The following STAT1 variants were observed in gnomAD, a reference collection of about 807,000 sequenced individuals.
STAT1 encodes the protein signal transducer and activator of transcription 1-alpha/beta.
Under a neutral mutation model 111.7 loss-of-function variants are expected in STAT1, and 24 were observed. That is an observed-to-expected ratio of 0.21 (90% confidence interval 0.16 to 0.30). The LOEUF (loss-of-function observed/expected upper bound fraction) is 0.30, where lower values mean the gene tolerates loss of function less well. Ranked by LOEUF, STAT1 falls within the 10% of genes least tolerant of loss-of-function variation. The pLI, the probability that STAT1 is intolerant of heterozygous loss-of-function variation, is 1.00. For missense variants in STAT1, 351 were observed against 911.9 expected (o/e 0.38, Z 7.92); for synonymous variants, 332 against 326.5 (o/e 1.02, Z -0.18).
chr2:190,989,677 G>A lies in STAT1; in HGVS notation c.1038-3C>T, dbSNP rs374148252. On this transcript the variant is annotated splice_region_variant and splice_polypyrimidine_tract_variant and intron_variant, in intron 11 of 24. Transcript: ENST00000361099. The surrounding 1 kb of genome is among the most constrained non-coding windows in gnomAD (Gnocchi z 5.0). ...GCTCTTGCAATTTCACCAACAGTCT[G>A]GAAAGAAAAATAAAAGCCATTACTT... The A allele has an allele frequency of 2.5e-5, 40 of 1,593,852 alleles. No homozygotes were observed. Among genetic ancestry groups the A allele is most frequent in the East Asian group, 2.0e-4 (9 of 44,600 alleles).
Position 190,975,457 on chromosome 2 carries a change from A to C in STAT1, c.2135+355T>G, listed in dbSNP as rs529186011. 8.5e-6 allele frequency: 8 copies of C among 936,852 alleles called. No individual in the cohort carries two copies. The South Asian group carries it at 1.1e-4, about 13-fold the overall frequency. The allele number at this position is 936,852 out of a possible 1,614,324, so 58.0% of individuals were successfully genotyped here. On this transcript the variant is annotated intron_variant, in intron 23 of 24. Coordinates refer to ENST00000361099, the MANE Select transcript of STAT1 (RefSeq NM_007315.4). This position sits in a 1 kb window ranked among gnomAD's most constrained non-coding sequence, Gnocchi z 5.9. ...TACCTTTTATAAAATGAAACAACAAAATCAAAGCAAGTGGAGACAGTGTAT... is the reference window on the plus strand; with the variant it reads ...TACCTTTTATAAAATGAAACAACAACATCAAAGCAAGTGGAGACAGTGTAT...
rs1351609660 is a variant in STAT1 at position 190,990,057 on chromosome 2, G to A, written c.1038-383C>T. ...CAAACATTACTTTCTATTAAAACTT[G>A]TATCTAATCTTTGTCCTGTTGGGAG... On this transcript the variant is annotated intron_variant, in intron 11 of 24. Transcript: ENST00000361099. The surrounding 1 kb of genome is among the most constrained non-coding windows in gnomAD (Gnocchi z 5.1). Among the ~76,000 whole-genome samples, 1 of 152,102 alleles carries A rather than the reference G, an allele frequency of 6.6e-6. No homozygotes were observed. The highest frequency in any genetic ancestry group is 2.4e-5 in the African/African-American group (1 of 41,376).
At chr2:191,005,721 A>G (rs1372094218) in intron 5 of STAT1, among the ~76,000 whole-genome samples, 1 of 152,234 alleles carries the variant, frequency 6.6e-6, no homozygotes, top group Non-Finnish European at 1.5e-5. Flanking sequence ...TATTAATAAA[A>G]TAAAGTTACT....
rs1693216192 is a variant in STAT1 at position 190,990,357 on chromosome 2, A to G, written c.1038-683T>C. ...CTACCAGCCAGGGAGGGTTAACCACAGACTTAAATCAGCAACACCCCAGAA... is the reference window on the plus strand; with the variant it reads ...CTACCAGCCAGGGAGGGTTAACCACGGACTTAAATCAGCAACACCCCAGAA... On this transcript the variant is annotated intron_variant, in intron 11 of 24. Transcript: ENST00000361099. The surrounding 1 kb of genome is among the most constrained non-coding windows in gnomAD (Gnocchi z 5.1). 6.6e-6 allele frequency among the ~76,000 whole-genome samples: 1 copy of G among 152,190 alleles called. No individual in the cohort carries two copies. The highest frequency in any genetic ancestry group is 2.1e-4 in the South Asian group (1 of 4,830).
chr2:190,988,310 T>C lies in STAT1; in HGVS notation c.1098-1242A>G, dbSNP rs45571332. On this transcript the variant is annotated intron_variant, in intron 12 of 24. Transcript: ENST00000361099. ...AGCACCTGGCTCCAACCACACTAGC[T>C]CAGACCAGGACAACCTACAACTCAC... 3.7e-3 allele frequency among the ~76,000 whole-genome samples: 559 copies of C among 152,324 alleles called. 6 individuals are homozygous for C. The highest frequency in any genetic ancestry group is 0.013 in the African/African-American group (532 of 41,566).
At chr2:191,011,175 C>A (rs13029532) in intron 2 of STAT1, among the ~76,000 whole-genome samples, 137,146 of 152,274 alleles carry the variant, frequency 0.9, 61,813 homozygotes, top group Non-Finnish European at 0.92. Context: ...GCTAGTTATC[C>A]TCATATATAC....
rs1158825756 is a variant in STAT1 at position 191,004,273 on chromosome 2, G to A, written c.373-3110C>T. Among the ~76,000 whole-genome samples, 1 of 152,150 alleles carries A rather than the reference G, an allele frequency of 6.6e-6. No homozygotes were observed. The highest frequency in any genetic ancestry group is 1.5e-5 in the Non-Finnish European group (1 of 68,022). The stretch of plus-strand genomic sequence containing the variant: ...AAGAAACCAGGAGTACTGAAACCAC[G>A]GGAATTTCAAACACTGAAGTTGGAA... On this transcript the variant is annotated intron_variant, in intron 5 of 24. Coordinates refer to ENST00000361099, the MANE Select transcript of STAT1 (RefSeq NM_007315.4). The surrounding 1 kb of genome is among the most constrained non-coding windows in gnomAD (Gnocchi z 5.0).
Position 190,986,901 on chromosome 2 carries a change from T to C in STAT1, c.1174A>G (p.Met392Val), listed in dbSNP as rs1692874966. ...AGACTGCCATTGGTGGACTCCTCCA[T>C]GTTCATCACTTTTGTGTGCGTGCCC... ...ILGTHTKVMN[M>V]EESTNGSLAA... The change falls in exon 14 of 25, where the codon ATG (methionine) becomes GTG (valine). Residue 392 changes from methionine (M) to valine (V), a missense_variant. Around this residue, in one of 7 missense-constraint regions of STAT1, gnomAD observed 23 missense variants for 123.1 expected, o/e 0.19. Transcript: ENST00000361099. This position sits in a 1 kb window ranked among gnomAD's most constrained non-coding sequence, Gnocchi z 5.0. 6.2e-7 allele frequency: 1 copy of C among 1,614,264 alleles called. No individual in the cohort carries two copies. The highest frequency in any genetic ancestry group is 8.5e-7 in the Non-Finnish European group (1 of 1,180,050).
intron 10 of STAT1, among the ~76,000 whole-genome samples, chr2:190,991,778 G>A (rs1429807947): frequency 2.0e-5 from 3 of 151,800 alleles, no homozygotes; most frequent in South Asian, 2.1e-4. Context: ...GATCACTTGA[G>A]CCCAGGAGGT....
chr2:191,003,018 A>T lies in STAT1; in HGVS notation c.373-1855T>A, dbSNP rs984975307. On this transcript the variant is annotated intron_variant, in intron 5 of 24. Transcript: ENST00000361099. The surrounding 1 kb of genome is among the most constrained non-coding windows in gnomAD (Gnocchi z 4.0). ...TGGTCATGTCCTTTCTTAATGTAGT[A>T]TTTAATTCTGATCCCTAATATCTTA... Among the ~76,000 whole-genome samples, 3 of 152,166 alleles carry T rather than the reference A, an allele frequency of 2.0e-5. No homozygotes were observed. Among genetic ancestry groups the T allele is most frequent in the Non-Finnish European group, 4.4e-5 (3 of 68,008 alleles).
intron 24 of STAT1, among the ~76,000 whole-genome samples, chr2:190,972,816 GGTGTGTGTGTGT>G (rs34975356): frequency 2.8e-4 from 38 of 136,420 alleles, no homozygotes; most frequent in East Asian, 8.5e-4. Flanking sequence ...GTGTATAGAG[GGTGTGTGTGTGT>G]GTGTGTGTGT....
Position 191,006,018 on chromosome 2 carries a change from T to C in STAT1, c.372+1545A>G, listed in dbSNP as rs558000034. The stretch of plus-strand genomic sequence containing the variant: ...CCAAAGCCAGGGGATGAGGTTCATG[T>C]GGGAGAGCAGGGGTCACCTACTCTG... On this transcript the variant is annotated intron_variant, in intron 5 of 24. Coordinates refer to ENST00000361099, the MANE Select transcript of STAT1 (RefSeq NM_007315.4). This position sits in a 1 kb window ranked among gnomAD's most constrained non-coding sequence, Gnocchi z 4.6. 4.6e-5 allele frequency among the ~76,000 whole-genome samples: 7 copies of C among 152,220 alleles called. No individual in the cohort carries two copies. Among genetic ancestry groups the C allele is most frequent in the Non-Finnish European group, 1.0e-4 (7 of 68,038 alleles).
In STAT1 at chr2:190,989,515, A is replaced by G. The variant is rs1349768605; in HGVS notation, c.1097+100T>C. The G allele has an allele frequency of 3.5e-6, 3 of 847,628 alleles. No homozygotes were observed. Among genetic ancestry groups the G allele is most frequent in the Non-Finnish European group, 5.6e-6 (3 of 532,768 alleles). 52.5% of individuals were successfully genotyped at this position (847,628 alleles called of 1,614,324 possible). On this transcript the variant is annotated intron_variant, in intron 12 of 24. Coordinates refer to ENST00000361099, the MANE Select transcript of STAT1 (RefSeq NM_007315.4). This position sits in a 1 kb window ranked among gnomAD's most constrained non-coding sequence, Gnocchi z 5.0. ...TTCCACCCAGTATAGACCCTTCCAC[A>G]GCTAGAAATCTGCTTATTTAGTGGA... is the stretch of plus-strand genomic sequence containing the variant.
intron 10 of STAT1, among the ~76,000 whole-genome samples, chr2:190,994,598 C>T (rs1055256445): frequency 6.6e-6 from 1 of 151,954 alleles, no homozygotes; most frequent in Non-Finnish European, 1.5e-5. Context: ...ACTGGTATAA[C>T]CAAATAATTC....
chr2:190,978,780 T>C lies in STAT1; in HGVS notation c.1873+76A>G, dbSNP rs1692108444. On this transcript the variant is annotated intron_variant, in intron 21 of 24. Transcript: ENST00000361099. This position sits in a 1 kb window ranked among gnomAD's most constrained non-coding sequence, Gnocchi z 6.1. ...TCATGTCCCAAACGCACTATCTGTA[T>C]GAGCTGACTGGCGGCGATGAAGAGG... The C allele has an allele frequency of 1.3e-6, 2 of 1,574,264 alleles. No homozygotes were observed. Among genetic ancestry groups the C allele is most frequent in the South Asian group, 1.2e-5 (1 of 86,924 alleles).
At position 190,977,444 on chromosome 2, in the gene STAT1, ATTT is replaced by A. The variant is rs1691991778; in HGVS notation, c.1874-422_1874-420del. On this transcript the variant is annotated intron_variant, in intron 21 of 24. Transcript: ENST00000361099. This position sits in a 1 kb window ranked among gnomAD's most constrained non-coding sequence, Gnocchi z 4.7. ...TTTTCTTTTCATATTGAAAAATCTA[ATTT>A]TTTATTAAAATAAATTATGATATAT... 6.6e-6 allele frequency among the ~76,000 whole-genome samples: 1 copy of A among 152,216 alleles called. No individual in the cohort carries two copies. Among genetic ancestry groups the A allele is most frequent in the African/African-American group, 2.4e-5 (1 of 41,456 alleles).
rs1694153091 is a variant in STAT1 at position 191,000,057 on chromosome 2, G to A, written c.463-353C>T. On this transcript the variant is annotated intron_variant, in intron 6 of 24. Coordinates refer to ENST00000361099, the MANE Select transcript of STAT1 (RefSeq NM_007315.4). This position sits in a 1 kb window ranked among gnomAD's most constrained non-coding sequence, Gnocchi z 4.8. The stretch of plus-strand genomic sequence containing the variant: ...GAAGCCCACAGCAGGCGGGGAAAAA[G>A]CTCACAGAAAATTTCCTCATTCCTT... 6.6e-6 allele frequency among the ~76,000 whole-genome samples: 1 copy of A among 152,182 alleles called. No homozygotes were observed. Among genetic ancestry groups the A allele is most frequent in the Non-Finnish European group, 1.5e-5 (1 of 68,030 alleles).
In STAT1 at chr2:190,983,813, A is replaced by T; in HGVS notation, c.1348-73T>A. On this transcript the variant is annotated intron_variant, in intron 16 of 24. Transcript: ENST00000361099. This position sits in a 1 kb window ranked among gnomAD's most constrained non-coding sequence, Gnocchi z 5.7. ...ACCTTCAGATAACTGCTTAGCCTCA[A>T]CTAAAAGCAGGGGATTATTTGTAAA... is the stretch of plus-strand genomic sequence containing the variant. 7.9e-7 allele frequency: 1 copy of T among 1,258,032 alleles called. No homozygotes were observed. 77.9% of individuals were successfully genotyped at this position (1,258,032 alleles called of 1,614,324 possible).
Position 190,985,672 on chromosome 2 carries a change from A to AT in STAT1, c.1222-13dup. The AT allele has an allele frequency of 6.2e-7, 1 of 1,613,984 alleles. No homozygotes were observed. Among genetic ancestry groups the AT allele is most frequent in the Non-Finnish European group, 8.5e-7 (1 of 1,179,810 alleles). On this transcript the variant is annotated splice_polypyrimidine_tract_variant and intron_variant, in intron 14 of 24. Coordinates refer to ENST00000361099, the MANE Select transcript of STAT1 (RefSeq NM_007315.4). ...TGTTCTTTCAATTGCTATAAAACAA[A>AT]TAATCATCTTAGTAAACACCATGGT...
Sources: allele counts gnomAD v4.1 joint callset (sites outside exome capture counted in the v4.1 genomes callset), GRCh38; gene constraint gnomAD v4.1.1; regional missense constraint gnomAD v4.1.1; non-coding constraint Gnocchi (gnomAD v3.1); transcripts MANE v1.5; gene names NCBI Gene and HGNC (gene_info 2026-07-23, HGNC 2026-07-21).